RDM1: variants seen among roughly 807,000 people sequenced by gnomAD.
RDM1 encodes RAD52 motif containing 1, also known as RAD52 motif-containing protein 1.
RDM1 carries 28 observed loss-of-function variants against 27.7 expected under a neutral mutation model. The observed-to-expected ratio is 1.01, with a 90% CI of 0.75 to 1.39. The LOEUF (loss-of-function observed/expected upper bound fraction) is 1.39, where lower values mean the gene tolerates loss of function less well. Among genes scored for constraint, RDM1 ranks in the 40% most tolerant of loss-of-function variants. The pLI, the probability that RDM1 is intolerant of heterozygous loss-of-function variation, is 0.00. For missense variants in RDM1, 277 were observed against 337.3 expected (o/e 0.82, Z 1.40); for synonymous variants, 124 against 127.5 (o/e 0.97, Z 0.19).
rs1013511994 is a variant in RDM1, at chr17:35,923,349, CAAAAAAAAAA to C, written c.569-684_569-675del. On this transcript the variant is annotated intron_variant, in intron 4 of 6. Transcript: ENST00000620284. Reference sequence around the variant, plus strand: ...TGGGCGACAGAGTGAGATTCTGTCTCAAAAAAAAAAAAAAAAAAAAAAGAGGCTAGGCACA... The same window carrying C: ...TGGGCGACAGAGTGAGATTCTGTCTCAAAAAAAAAAAAGAGGCTAGGCACA... Among the ~76,000 whole-genome samples, 22 of 47,256 alleles carry C rather than the reference CAAAAAAAAAA, an allele frequency of 4.7e-4. 1 individual carries two copies. Among genetic ancestry groups the C allele is most frequent in the African/African-American group, 6.6e-4 (8 of 12,154 alleles). 31.0% of individuals were successfully genotyped at this position (47,256 alleles called of 152,430 possible).
At position 35,925,507 on chromosome 17, in the gene RDM1, A is replaced by G. The variant is rs1158090687; in HGVS notation, c.399+8T>C. 7.4e-6 allele frequency: 12 copies of G among 1,612,130 alleles called. No individual in the cohort carries two copies. Among genetic ancestry groups the G allele is most frequent in the Non-Finnish European group, 1.0e-5 (12 of 1,179,850 alleles). The stretch of plus-strand genomic sequence containing the variant: ...TGTGGTAAGTGAAAAAAAATCTACA[A>G]GGTTTACCTTGATGATCCTTTTGGA... On this transcript the variant is annotated splice_region_variant and intron_variant, in intron 3 of 6. Transcript: ENST00000620284.
intron 6 of RDM1, 46 bp from the exon 7 acceptor site, chr17:35,918,489 C>T (rs767332718): frequency 1.5e-5 from 22 of 1,475,314 alleles, no homozygotes; most frequent in Middle Eastern, 1.7e-4. Context: ...ACGCACATTA[C>T]GGTCATTCAT....
chr17:35,926,848 G>T (rs7207527), intron 2 of RDM1, among the ~76,000 whole-genome samples: 5,592 of 152,168 alleles, frequency 0.037, 341 homozygotes, highest in African/African-American at 0.13. Flanking sequence ...GAGCACAGAT[G>T]ATCTATCGAT....
intron 2 of RDM1, among the ~76,000 whole-genome samples, chr17:35,926,683 G>A (rs1189304076): frequency 6.6e-6 from 1 of 152,176 alleles, no homozygotes; most frequent in African/African-American, 2.4e-5. Flanking sequence ...GGATACAGGT[G>A]TGAGCCACTG....
At chr17:35,923,029 G>A (rs2089002448) in intron 4 of RDM1, among the ~76,000 whole-genome samples, 1 of 152,200 alleles carries the variant, frequency 6.6e-6, no homozygotes, top group South Asian at 2.1e-4. Flanking sequence ...AAAAAGGTTT[G>A]GTTGGCTGGA....
intron 6 of RDM1, among the ~76,000 whole-genome samples, chr17:35,919,426 AGGT>A (rs1482229580): frequency 6.6e-6 from 1 of 152,196 alleles, no homozygotes; most frequent in Non-Finnish European, 1.5e-5. Flanking sequence ...CCACAAACCT[AGGT>A]GGTATAGCCT....
chr17:35,920,270 T>A lies in RDM1; in HGVS notation c.670A>T (p.Ser224Cys), dbSNP rs754678541. The A allele has an allele frequency of 6.4e-7, 1 of 1,553,378 alleles. No individual in the cohort carries two copies. The highest frequency in any genetic ancestry group is 1.4e-5 in the African/African-American group (1 of 73,038). The change falls in exon 6 of 7, where the codon AGT (serine) becomes TGT (cysteine). Residue 224 changes from serine (S) to cysteine (C), a missense_variant and splice_region_variant. Transcript: ENST00000620284. The stretch of plus-strand genomic sequence containing the variant: ...CTGTACTCCACAGCTATTTTACCAC[T>A]TTCTGAAATAAAGTTAGCGAGGATC... Reference protein sequence around the residue: ...FQKLLIVVLESGKIAVEYRPS... With the variant: ...FQKLLIVVLECGKIAVEYRPS...
intron 1 of RDM1, 73 bp from the exon 2 acceptor site, chr17:35,930,328 C>A: frequency 6.3e-7 from 1 of 1,579,546 alleles, no homozygotes. Flanking sequence ...CCTCATATTC[C>A]CCAAACCTCT....
intron 5 of RDM1, among the ~76,000 whole-genome samples, chr17:35,920,570 CT>C (rs1181178600): frequency 1.3e-5 from 2 of 151,564 alleles, no homozygotes; most frequent in African/African-American, 4.8e-5. Context: ...AGTGATCCCC[CT>C]GGCTCACCCT....
At chr17:35,922,112 G>A (rs1289477058) in intron 5 of RDM1, 2 of 152,488 alleles carry the variant, frequency 1.3e-5, no homozygotes, top group South Asian at 2.1e-4. Context: ...TAGTAGAGAC[G>A]GGGTTTCATC....
chr17:35,929,808 A>G (rs1222410388), intron 2 of RDM1, among the ~76,000 whole-genome samples: 1 of 152,202 alleles, frequency 6.6e-6, no homozygotes, highest in Non-Finnish European at 1.5e-5. Flanking sequence ...ATTTCTTAAA[A>G]AGGGACAGCA....
At chr17:35,922,308 C>T (rs1007444263) in intron 5 of RDM1, 2 of 449,328 alleles carry the variant, frequency 4.5e-6, no homozygotes, top group African/African-American at 4.1e-5. Flanking sequence ...GATAGGTAAG[C>T]AATTAAAGAA....
chr17:35,923,407 G>C (rs2089022139), intron 4 of RDM1, among the ~76,000 whole-genome samples: 1 of 147,586 alleles, frequency 6.8e-6, no homozygotes, highest in Non-Finnish European at 1.5e-5. Flanking sequence ...TGTAATCCCA[G>C]CACTTTGGGA....
At chr17:35,925,163 A>AT (rs1181324440) in intron 3 of RDM1, among the ~76,000 whole-genome samples, 5 of 152,096 alleles carry the variant, frequency 3.3e-5, no homozygotes, top group Admixed American at 2.0e-4. Flanking sequence ...CAAAAACCCA[A>AT]TAAAAAAAAG....
chr17:35,919,410 A>AT (rs1291277005), intron 6 of RDM1, among the ~76,000 whole-genome samples: 1 of 152,224 alleles, frequency 6.6e-6, no homozygotes, highest in Admixed American at 6.5e-5. Flanking sequence ...ATCATAGCAT[A>AT]TACTTCCACA....
chr17:35,927,906 G>A (rs771700608), intron 2 of RDM1, among the ~76,000 whole-genome samples: 18 of 152,150 alleles, frequency 1.2e-4, no homozygotes, highest in Non-Finnish European at 1.9e-4. Flanking sequence ...ATGTGAAATG[G>A]TCACAGGTTA....
chr17:35,928,179 T>C (rs946244258), intron 2 of RDM1, among the ~76,000 whole-genome samples: 5 of 152,236 alleles, frequency 3.3e-5, no homozygotes, highest in Non-Finnish European at 1.5e-5. Flanking sequence ...CAATCAGGAA[T>C]TGAAATGGTC....
Position 35,930,114 on chromosome 17 carries a change from A to G in RDM1, c.238T>C (p.Cys80Arg), listed in dbSNP as rs568636480. Residue 80 changes from cysteine to arginine, a missense_variant, in exon 2 of 7, where the codon TGC (cysteine) becomes CGC (arginine). Coordinates refer to ENST00000620284, the MANE Select transcript of RDM1 (RefSeq NM_145654.4). ...TTCTGAAAAAGCTGCTTCCGGTCGC[A>G]TGCCTTTTGGGCTCTGTGGGCAGCC... Reference protein sequence around the residue: ...ARAAHRAQKACDRKQLFQKSP... With the variant: ...ARAAHRAQKARDRKQLFQKSP... The G allele has an allele frequency of 2.7e-5, 43 of 1,614,120 alleles. No homozygotes were observed. In the South Asian group the frequency reaches 4.2e-4, roughly 16 times the overall value.
intron 2 of RDM1, among the ~76,000 whole-genome samples, chr17:35,928,185 T>C (rs1383390948): frequency 6.6e-6 from 1 of 152,170 alleles, no homozygotes. Flanking sequence ...GGAATTGAAA[T>C]GGTCCTTGAA....
Sources: gnomAD v4.1 joint callset for allele counts (sites outside exome capture counted in the v4.1 genomes callset) on GRCh38, gnomAD v4.1.1 for gene constraint, MANE v1.5 for transcripts, NCBI Gene and HGNC (gene_info 2026-07-23, HGNC 2026-07-21) for gene names.